The following SEMA3E variants were observed in gnomAD, a reference collection of about 807,000 sequenced individuals.
SEMA3E encodes semaphorin 3E.
A neutral mutation model predicts 93.6 loss-of-function variants in SEMA3E; 49 were observed. The observed-to-expected ratio is 0.52, with a 90% CI of 0.42 to 0.66. SEMA3E has a LOEUF of 0.66. SEMA3E is among the 30% of genes least tolerant of loss of function. SEMA3E has a pLI of 0.00. For missense variants in SEMA3E, 906 were observed against 964.8 expected, an observed-to-expected ratio of 0.94 and a Z score of 0.81; for synonymous variants, 363 against 330.7, an observed-to-expected ratio of 1.10 and a Z score of -1.06.
intron 1 of SEMA3E, among the ~76,000 whole-genome samples, chr7:83,600,507 T>G (rs1792970519): frequency 7.5e-6 from 1 of 132,638 alleles, no homozygotes; most frequent in East Asian, 2.2e-4. Flanking sequence ...TTTTTTTTTT[T>G]TTTTTTTTTT....
chr7:83,529,202 T>C (rs1323200590), intron 1 of SEMA3E, among the ~76,000 whole-genome samples: 10 of 152,116 alleles, frequency 6.6e-5, no homozygotes, highest in Non-Finnish European at 1.3e-4. Context: ...GGATGAAAGG[T>C]CATTTCTACC....
chr7:83,497,823 A>C (rs1435431969), intron 1 of SEMA3E, among the ~76,000 whole-genome samples: 2 of 152,174 alleles, frequency 1.3e-5, no homozygotes, highest in African/African-American at 4.8e-5. Flanking sequence ...TGTTGTACTA[A>C]AAGTTGCTCA....
At chr7:83,637,959 C>T (rs1793913728) in intron 1 of SEMA3E, among the ~76,000 whole-genome samples, 1 of 152,064 alleles carries the variant, frequency 6.6e-6, no homozygotes, top group African/African-American at 2.4e-5. Flanking sequence ...AACAAATGCA[C>T]ATGGTCACTT....
At chr7:83,500,590 CTTT>C (rs371350850) in intron 1 of SEMA3E, among the ~76,000 whole-genome samples, 1 of 100,616 alleles carries the variant, frequency 9.9e-6, no homozygotes, top group Non-Finnish European at 1.9e-5. Flanking sequence ...AACTTTCTTC[CTTT>C]TTTTTTTTTT....
intron 4 of SEMA3E, among the ~76,000 whole-genome samples, chr7:83,423,135 T>C (rs1249052355): frequency 1.3e-5 from 2 of 152,094 alleles, no homozygotes; most frequent in African/African-American, 4.8e-5. Context: ...TTGAAAACAA[T>C]CAAATGGCAC....
chr7:83,589,245 T>C (rs1270308272), intron 1 of SEMA3E, among the ~76,000 whole-genome samples: 1 of 152,200 alleles, frequency 6.6e-6, no homozygotes, highest in East Asian at 1.9e-4. Flanking sequence ...TTCAGATTTC[T>C]GACAAATAAT....
intron 1 of SEMA3E, among the ~76,000 whole-genome samples, chr7:83,525,620 G>C (rs963417157): frequency 6.6e-6 from 1 of 151,276 alleles, no homozygotes; most frequent in Non-Finnish European, 1.5e-5. Flanking sequence ...ATTCTTCTTC[G>C]CATACTTTTA....
intron 4 of SEMA3E, among the ~76,000 whole-genome samples, chr7:83,437,463 G>GA (rs1239441856): frequency 6.6e-6 from 1 of 151,614 alleles, no homozygotes; most frequent in East Asian, 1.9e-4. Context: ...AAATTTTAAA[G>GA]AAAAAAATCC....
intron 1 of SEMA3E, among the ~76,000 whole-genome samples, chr7:83,599,825 T>C (rs1027763238): frequency 2.6e-5 from 4 of 152,158 alleles, no homozygotes; most frequent in African/African-American, 9.7e-5. Context: ...TGTATGTTTG[T>C]GTGTCTGTTT....
chr7:83,521,855 G>T (rs940209414), intron 1 of SEMA3E, among the ~76,000 whole-genome samples: 9 of 152,054 alleles, frequency 5.9e-5, no homozygotes, highest in African/African-American at 2.2e-4. Flanking sequence ...AAATATAGTG[G>T]CTTCAGGGGT....
intron 1 of SEMA3E, among the ~76,000 whole-genome samples, chr7:83,567,016 A>G (rs1328918998): frequency 1.3e-5 from 2 of 152,224 alleles, no homozygotes; most frequent in Admixed American, 1.3e-4. Context: ...CCTTCAAGCA[A>G]TTTACTTCAT....
intron 1 of SEMA3E, among the ~76,000 whole-genome samples, chr7:83,570,502 G>A (rs1310231802): frequency 2.6e-5 from 3 of 116,930 alleles, no homozygotes; most frequent in African/African-American, 7.4e-5. Flanking sequence ...GCAGTGAGCC[G>A]AGATCCCGCC....
intron 1 of SEMA3E, among the ~76,000 whole-genome samples, chr7:83,561,527 C>G (rs1468620491): frequency 6.6e-6 from 1 of 151,968 alleles, no homozygotes; most frequent in Non-Finnish European, 1.5e-5. Context: ...TTCTTAACAC[C>G]CTGCCCTCAA....
Position 83,400,104 on chromosome 7 carries a change from T to C in SEMA3E, c.1290A>G (p.Lys430=), listed in dbSNP as rs61729605. The change falls in exon 11 of 17, where the codon AAA becomes AAG. Residue 430 remains lysine (K), a synonymous_variant. Transcript: ENST00000643230. ...KKPILVKTDG[K]YNLKQIAVDR... ...CTACTGCTATTTGTTTCAGGTTATA[T>C]TTTCCATCTGTTTTTACCAATATTG... 1 of 1,613,992 alleles carries C rather than the reference T, an allele frequency of 6.2e-7. No homozygotes were observed. Among genetic ancestry groups the C allele is most frequent in the Non-Finnish European group, 8.5e-7 (1 of 1,179,990 alleles).
intron 4 of SEMA3E, among the ~76,000 whole-genome samples, chr7:83,444,608 C>T (rs73172400): frequency 0.2 from 30,976 of 151,352 alleles, 3,427 homozygotes; most frequent in Middle Eastern, 0.32. Flanking sequence ...TTGGAAAACA[C>T]GGACCAAGAA....
intron 16 of SEMA3E, among the ~76,000 whole-genome samples, chr7:83,383,646 C>T (rs1024645980): frequency 6.6e-6 from 1 of 151,730 alleles, no homozygotes; most frequent in Non-Finnish European, 1.5e-5. Flanking sequence ...AAAATAGGTA[C>T]TAAAAATTAT....
At chr7:83,482,891 G>A (rs1282675074) in intron 2 of SEMA3E, among the ~76,000 whole-genome samples, 1 of 132,040 alleles carries the variant, frequency 7.6e-6, no homozygotes, top group Non-Finnish European at 1.6e-5. Flanking sequence ...CCAGGGAAGG[G>A]GAGTTGTAAG....
intron 2 of SEMA3E, among the ~76,000 whole-genome samples, chr7:83,479,662 A>T (rs992886185): frequency 6.6e-6 from 1 of 152,146 alleles, no homozygotes; most frequent in Non-Finnish European, 1.5e-5. Flanking sequence ...GAAAGATACT[A>T]TGGATATCTG....
chr7:83,372,351 C>G (rs1384941760), intron 16 of SEMA3E: 8 of 397,286 alleles, frequency 2.0e-5, no homozygotes, highest in Non-Finnish European at 3.1e-5. Context: ...TCTGTTATAT[C>G]TCCTGTGAGA....
Sources: gnomAD v4.1 joint callset for allele counts (sites outside exome capture counted in the v4.1 genomes callset) on GRCh38, gnomAD v4.1.1 for gene constraint, MANE v1.5 for transcripts, NCBI Gene and HGNC (gene_info 2026-07-23, HGNC 2026-07-21) for gene names.